Variants in HEYL observed in about 807,000 individuals in gnomAD.
HEYL encodes the protein hes related family bHLH transcription factor with YRPW motif like.
HEYL carries 12 observed loss-of-function variants against 18.6 expected under a neutral mutation model. That is an observed-to-expected ratio of 0.65 (90% CI 0.41 to 1.05). The LOEUF is 1.05. Ranked by LOEUF, HEYL falls within the 50% of genes least tolerant of loss-of-function variation. The pLI, the probability that HEYL is intolerant of heterozygous loss-of-function variation, is 0.00. For synonymous variants in HEYL, 159 were observed against 179.6 expected (o/e 0.89, Z 0.91); for missense variants, 420 against 444.7 (o/e 0.94, Z 0.50).
Position 39,626,159 on chromosome 1 carries a change from T to G in HEYL, c.*348A>C. The G allele has an allele frequency of 9.3e-6, 2 of 215,248 alleles. No homozygotes were observed. Among genetic ancestry groups the G allele is most frequent in the Non-Finnish European group, 1.8e-5 (2 of 109,780 alleles). 13.3% of individuals were successfully genotyped at this position (215,248 alleles called of 1,614,324 possible). Reference sequence around the variant, plus strand: ...GCCTTGGGTCCTGGTGCCCTGCAGGTTAAAGCTTTTTCCCAGACCCAAGGT... The same window carrying G: ...GCCTTGGGTCCTGGTGCCCTGCAGGGTAAAGCTTTTTCCCAGACCCAAGGT... On this transcript the variant is annotated 3_prime_UTR_variant, in exon 5 of 5. Coordinates refer to ENST00000372852, the MANE Select transcript of HEYL (RefSeq NM_014571.4).
At chr1:39,633,030 G>A (rs942149429) in intron 1 of HEYL, 2 of 966,380 alleles carry the variant, frequency 2.1e-6, no homozygotes, top group African/African-American at 1.8e-5. Flanking sequence ...CCCGGGGGCG[G>A]GGCGGGCGAG....
In HEYL at chr1:39,632,687, TG is replaced by T. The variant is rs760374440; in HGVS notation, c.108del (p.Ser37AlafsTer15). 6.2e-7 allele frequency: 1 copy of T among 1,613,806 alleles called. No individual in the cohort carries two copies. Among genetic ancestry groups the T allele is most frequent in the South Asian group, 1.1e-5 (1 of 91,072 alleles). Reference protein sequence around the residue: ...LSQMARPLSTPSSSQMQARKK... With the variant: ...LSQMARPLSTXSSSQMQARKK... ...TTCCTGGCTTGCATCTGCGAAGAGC[TG>T]GGGGTGGACAGCGGCCTGGCCATCT... On this transcript the variant is annotated frameshift_variant, in exon 2 of 5. Coordinates refer to ENST00000372852, the MANE Select transcript of HEYL (RefSeq NM_014571.4). LOFTEE classifies it high-confidence loss of function.
chr1:39,632,831 C>G (rs1418517701), intron 1 of HEYL, 116 bp from the exon 2 acceptor site: 1 of 1,532,152 alleles, frequency 6.5e-7, no homozygotes, highest in Non-Finnish European at 8.7e-7. Context: ...GCTTGCTCTC[C>G]CCTTCTTCCT....
intron 4 of HEYL, among the ~76,000 whole-genome samples, chr1:39,627,982 T>G (rs1646310250): frequency 2.0e-5 from 3 of 152,204 alleles, no homozygotes. Context: ...GACCCTCTCT[T>G]TGATGGATAA....
chr1:39,629,880 G>A (rs923740239), intron 4 of HEYL, among the ~76,000 whole-genome samples: 16 of 152,202 alleles, frequency 1.1e-4, no homozygotes, highest in African/African-American at 2.2e-4. Context: ...GTTAAGGGGG[G>A]TCAGATTGGG....
intron 2 of HEYL, among the ~76,000 whole-genome samples, chr1:39,631,846 C>T (rs3820615): frequency 0.061 from 9,321 of 152,308 alleles, 384 homozygotes; most frequent in East Asian, 0.11. Flanking sequence ...ACCACTGGTA[C>T]AGCAGGGCAC....
At chr1:39,633,166 T>G in intron 1 of HEYL, 2 of 970,346 alleles carry the variant, frequency 2.1e-6, no homozygotes, top group Non-Finnish European at 2.4e-6. Context: ...CCGCCCGCCC[T>G]CCGCCCCGCC....
At chr1:39,634,901 T>C (rs1184882372) in intron 1 of HEYL, among the ~76,000 whole-genome samples, 1 of 152,226 alleles carries the variant, frequency 6.6e-6, no homozygotes, top group East Asian at 1.9e-4. Context: ...CTCTCACCCA[T>C]GTCTTTGGCA....
intron 2 of HEYL, among the ~76,000 whole-genome samples, chr1:39,632,282 C>T (rs1041848970): frequency 6.6e-6 from 1 of 152,168 alleles, no homozygotes; most frequent in Admixed American, 6.5e-5. Flanking sequence ...CCTCCCCCAC[C>T]CCGGCACACT....
chr1:39,626,581 G>C lies in HEYL; in HGVS notation c.913C>G (p.Pro305Ala), dbSNP rs1646298579. 1.3e-6 allele frequency: 2 copies of C among 1,552,430 alleles called. No individual in the cohort carries two copies. The highest frequency in any genetic ancestry group is 1.7e-6 in the Non-Finnish European group (2 of 1,148,648). Residue 305 changes from proline (P) to alanine (A), a missense_variant, in exon 5 of 5, where the codon CCA (proline) becomes GCA (alanine). Coordinates refer to ENST00000372852, the MANE Select transcript of HEYL (RefSeq NM_014571.4). ...ATGGCTCCCGCTGGCCTCCCAGCTG[G>C]CCCTGGGGAGGATGAGTTGGGGGTG... ...VPTPNSSSPG[P>A]AGRPAGAMLY...
intron 1 of HEYL, chr1:39,633,304 T>A (rs537239074): frequency 7.8e-4 from 128 of 163,954 alleles, no homozygotes; most frequent in African/African-American, 2.8e-3. Context: ...CCCTCCAACC[T>A]CGGCCTCTCC....
At position 39,626,341 on chromosome 1, in the gene HEYL, GAGA is replaced by G. The variant is rs1646296646; in HGVS notation, c.*163_*165del. Reference sequence around the variant, plus strand: ...TGGGTGGATAAGCTGGGATAACAGTGAGAAGGAGAGATGGGTTGGAGGAGGAGG... The same window carrying G: ...TGGGTGGATAAGCTGGGATAACAGTGAGGAGAGATGGGTTGGAGGAGGAGG... On this transcript the variant is annotated 3_prime_UTR_variant, in exon 5 of 5. Transcript: ENST00000372852. 9.7e-6 allele frequency: 6 copies of G among 617,414 alleles called. No individual in the cohort carries two copies. The East Asian group carries it at 1.8e-4, about 18-fold the overall frequency. The allele number at this position is 617,414 out of a possible 1,614,324, so 38.2% of individuals were successfully genotyped here.
At chr1:39,631,431 G>T (rs111738259) in intron 3 of HEYL, 65 bp downstream of exon 3, 3 of 1,406,982 alleles carry the variant, frequency 2.1e-6, no homozygotes, top group Non-Finnish European at 3.0e-6. Context: ...GAGATGCCAT[G>T]AGAAACGAAC....
intron 4 of HEYL, 112 bp downstream of exon 4, chr1:39,630,115 T>C (rs1441728848): frequency 6.0e-6 from 5 of 836,330 alleles, no homozygotes; most frequent in Admixed American, 3.5e-5. Flanking sequence ...CTCCATTGAC[T>C]GAGCTCCTCA....
chr1:39,634,188 C>T (rs146467668), intron 1 of HEYL, among the ~76,000 whole-genome samples: 21 of 152,240 alleles, frequency 1.4e-4, no homozygotes, highest in East Asian at 3.9e-4. Context: ...CTCCGCCACC[C>T]GGTTCAAGTA....
In HEYL at chr1:39,626,170, T is replaced by G; in HGVS notation, c.*337A>C. Reference sequence around the variant, plus strand: ...TGGTGCCCTGCAGGTTAAAGCTTTTTCCCAGACCCAAGGTTCATGCCTGCT... The same window carrying G: ...TGGTGCCCTGCAGGTTAAAGCTTTTGCCCAGACCCAAGGTTCATGCCTGCT... On this transcript the variant is annotated 3_prime_UTR_variant, in exon 5 of 5. Coordinates refer to ENST00000372852, the MANE Select transcript of HEYL (RefSeq NM_014571.4). The G allele has an allele frequency of 4.2e-6, 1 of 240,296 alleles. No individual in the cohort carries two copies. The allele number at this position is 240,296 out of a possible 1,614,324, so 14.9% of individuals were successfully genotyped here. A position where few individuals can be genotyped will look rare whatever the true frequency, so the allele number is the denominator to read the frequency against.
Position 39,629,305 on chromosome 1 carries a change from A to T in HEYL, c.313+922T>A, listed in dbSNP as rs142434348. Among the ~76,000 whole-genome samples, 43 of 152,360 alleles carry T rather than the reference A, an allele frequency of 2.8e-4. No homozygotes were observed. In the East Asian group the frequency reaches 6.9e-3, roughly 25 times the overall value. ...TGAATCTCCCCCATTGGTTCATTAG[A>T]GATGGAAGTCTCCACTCTTAGCAAT... On this transcript the variant is annotated intron_variant, in intron 4 of 4. Coordinates refer to ENST00000372852, the MANE Select transcript of HEYL (RefSeq NM_014571.4).
At position 39,626,382 on chromosome 1, in the gene HEYL, G is replaced by T; in HGVS notation, c.*125C>A. Reference sequence around the variant, plus strand: ...TTGGAGGAGGAGGGGGCCTCTGATGGCTGGAGAACGTGCCTTCACATATGA... The same window carrying T: ...TTGGAGGAGGAGGGGGCCTCTGATGTCTGGAGAACGTGCCTTCACATATGA... On this transcript the variant is annotated 3_prime_UTR_variant, in exon 5 of 5. Transcript: ENST00000372852. 1.2e-6 allele frequency: 1 copy of T among 832,090 alleles called. No individual in the cohort carries two copies. The highest frequency in any genetic ancestry group is 1.8e-6 in the Non-Finnish European group (1 of 551,998). The allele number at this position is 832,090 out of a possible 1,614,324, so 51.5% of individuals were successfully genotyped here.
At chr1:39,630,176 C>T in intron 4 of HEYL, 51 bp downstream of exon 4, 1 of 1,531,270 alleles carries the variant, frequency 6.5e-7, no homozygotes, top group Non-Finnish European at 9.1e-7. Flanking sequence ...AGGGCCCAGC[C>T]TCAAAATATT....
Sources: allele counts gnomAD v4.1 joint callset (sites outside exome capture counted in the v4.1 genomes callset), GRCh38; gene constraint gnomAD v4.1.1; transcripts MANE v1.5; gene names NCBI Gene and HGNC (gene_info 2026-07-23, HGNC 2026-07-21).